Variants in NFU1 observed in about 807,000 individuals in gnomAD.
NFU1 encodes NFU1 iron-sulfur cluster scaffold.
A neutral mutation model predicts 32.2 loss-of-function variants in NFU1; 30 were observed. The ratio of observed to expected loss-of-function variants is 0.93; its 90% CI spans 0.70 to 1.26. The LOEUF (loss-of-function observed/expected upper bound fraction) is 1.26. Among genes scored for constraint, NFU1 ranks in the 50% most tolerant of loss-of-function variants. The pLI is 0.00. For missense variants in NFU1, 306 were observed against 306.6 expected (o/e 1.00, Z 0.02); for synonymous variants, 112 against 104.6 (o/e 1.07, Z -0.43).
chr2:69,436,155 C>T (rs1200457557), intron 1 of NFU1, among the ~76,000 whole-genome samples: 1 of 152,184 alleles, frequency 6.6e-6, no homozygotes, highest in African/African-American at 2.4e-5. Flanking sequence ...ATCTTCATTT[C>T]TAGCTGCTAG....
chr2:69,429,336 G>A (rs1388708058), intron 2 of NFU1, among the ~76,000 whole-genome samples: 1 of 152,248 alleles, frequency 6.6e-6, no homozygotes, highest in Middle Eastern at 3.4e-3. Flanking sequence ...GGCCAAGGCA[G>A]GAGGATCACT....
At chr2:69,407,078 C>T (rs923449498) in intron 5 of NFU1, among the ~76,000 whole-genome samples, 1 of 152,106 alleles carries the variant, frequency 6.6e-6, no homozygotes, top group African/African-American at 2.4e-5. Context: ...AACTGTGAGT[C>T]AATTAAACCT....
At position 69,409,061 on chromosome 2, in the gene NFU1, T is replaced by G. The variant is rs184109818; in HGVS notation, c.485-2979A>C. ...TACACCATGTTGGCCAGGCCGTTCTTGAACTCCTGACCTCAGGTGATCCAC... is the reference window on the plus strand; with the variant it reads ...TACACCATGTTGGCCAGGCCGTTCTGGAACTCCTGACCTCAGGTGATCCAC... On this transcript the variant is annotated intron_variant, in intron 5 of 7. Transcript: ENST00000410022. Among the ~76,000 whole-genome samples the G allele has an allele frequency of 1.6e-3, 246 of 151,858 alleles. 1 individual carries two copies. Among genetic ancestry groups the G allele is most frequent in the African/African-American group, 5.6e-3 (233 of 41,474 alleles).
chr2:69,439,317 T>G (rs373647264), upstream of NFU1, among the ~76,000 whole-genome samples: 76 of 152,218 alleles, frequency 5.0e-4, no homozygotes, highest in African/African-American at 1.8e-3. Context: ...ACCCTTGTGG[T>G]GAGTGTTACA....
At chr2:69,423,245 T>A (rs1355985995) in intron 3 of NFU1, among the ~76,000 whole-genome samples, 6 of 9,190 alleles carry the variant, frequency 6.5e-4, no homozygotes, top group South Asian at 3.6e-3. Context: ...TCTGTGTGAG[T>A]GTGTGTGTGT....
intron 5 of NFU1, chr2:69,410,809 A>G (rs530653223): frequency 6.6e-6 from 1 of 152,330 alleles, no homozygotes; most frequent in South Asian, 2.1e-4. Flanking sequence ...TGTTGAAGAA[A>G]TGTTAATTCT....
At chr2:69,423,993 T>G (rs956263512) in intron 2 of NFU1, among the ~76,000 whole-genome samples, 1 of 151,296 alleles carries the variant, frequency 6.6e-6, no homozygotes, top group African/African-American at 2.4e-5. Context: ...GCCAAGATGG[T>G]GAAGCCTCGT....
chr2:69,404,615 A>ATATTTTTTTTTTTTTTTTTTTTTTTTTTT (rs1426118283), intron 6 of NFU1, among the ~76,000 whole-genome samples: 1 of 73,008 alleles, frequency 1.4e-5, no homozygotes, highest in African/African-American at 6.3e-5. Context: ...ATCTTAGCAA[A>ATATTTTTTTTTTTTTTTTTTTTTTTTTTT]TTTTTTTTTT....
intron 3 of NFU1, among the ~76,000 whole-genome samples, chr2:69,420,055 G>C (rs1216071628): frequency 6.6e-6 from 1 of 151,874 alleles, no homozygotes; most frequent in African/African-American, 2.4e-5. Context: ...CCCCAGGCTG[G>C]AGTGCAGTGG....
At chr2:69,430,985 A>G (rs1673619814) in intron 2 of NFU1, among the ~76,000 whole-genome samples, 1 of 152,122 alleles carries the variant, frequency 6.6e-6, no homozygotes, top group South Asian at 2.1e-4. Context: ...AGACACACAT[A>G]CCCTCTCCCC....
At chr2:69,436,650 C>G (rs901821038) in intron 1 of NFU1, among the ~76,000 whole-genome samples, 1 of 152,230 alleles carries the variant, frequency 6.6e-6, no homozygotes, top group African/African-American at 2.4e-5. Flanking sequence ...ACCATTAACA[C>G]TACAATGTCT....
chr2:69,408,898 T>A (rs1672792881), intron 5 of NFU1, among the ~76,000 whole-genome samples: 1 of 123,190 alleles, frequency 8.1e-6, no homozygotes, highest in South Asian at 2.9e-4. Flanking sequence ...AGAGTTTCAC[T>A]CTTTTACCTC....
intron 3 of NFU1, among the ~76,000 whole-genome samples, chr2:69,422,440 T>G (rs1200799423): frequency 6.6e-6 from 1 of 152,220 alleles, no homozygotes; most frequent in Non-Finnish European, 1.5e-5. Flanking sequence ...CTGTCCCCAC[T>G]GACTAGTTTT....
chr2:69,436,024 G>T (rs538552015), intron 1 of NFU1, among the ~76,000 whole-genome samples: 1 of 151,408 alleles, frequency 6.6e-6, no homozygotes, highest in South Asian at 2.1e-4. Flanking sequence ...GATTACAGGC[G>T]TGAGCCACCA....
chr2:69,435,224 A>C (rs1442441125), intron 1 of NFU1, among the ~76,000 whole-genome samples: 1 of 152,204 alleles, frequency 6.6e-6, no homozygotes, highest in Non-Finnish European at 1.5e-5. Flanking sequence ...AATGTCTCCC[A>C]AAGTTAGCTT....
chr2:69,415,365 C>T, intron 4 of NFU1, 66 bp from the exon 5 acceptor site: 2 of 839,550 alleles, frequency 2.4e-6, no homozygotes, highest in Non-Finnish European at 3.9e-6. Context: ...AGAACACTAC[C>T]TTATACCTCT....
At chr2:69,437,223 C>T in intron 1 of NFU1, 138 bp downstream of exon 1, 1 of 1,471,608 alleles carries the variant, frequency 6.8e-7, no homozygotes, top group African/African-American at 1.4e-5. Context: ...TCACCCCCAA[C>T]TACGGCGACA....
intron 1 of NFU1, among the ~76,000 whole-genome samples, chr2:69,432,227 A>G (rs1399750858): frequency 6.6e-6 from 1 of 152,244 alleles, no homozygotes. Flanking sequence ...TCAAATGGAA[A>G]TTCCTACCCT....
intron 7 of NFU1, among the ~76,000 whole-genome samples, chr2:69,398,744 G>T (rs1309177642): frequency 6.6e-6 from 1 of 152,154 alleles, no homozygotes; most frequent in Non-Finnish European, 1.5e-5. Flanking sequence ...CTGTTCCTCA[G>T]TCCCTATTAA....
Sources: allele counts gnomAD v4.1 joint callset (sites outside exome capture counted in the v4.1 genomes callset), GRCh38; gene constraint gnomAD v4.1.1; transcripts MANE v1.5; gene names NCBI Gene and HGNC (gene_info 2026-07-23, HGNC 2026-07-21).